CDRT4: variants seen among roughly 807,000 people sequenced by gnomAD.
The protein encoded by CDRT4 is CMT1A duplicated region transcript 4, also known as CMT1A duplicated region transcript 4 protein.
For missense variants in CDRT4, 167 were observed against 193.1 expected (o/e 0.87, Z 0.80); for synonymous variants, 64 against 69.6 (o/e 0.92, Z 0.40).
chr17:15,437,652 G>C lies in CDRT4; in HGVS notation c.*121C>G, dbSNP rs923847412. On this transcript the variant is annotated 3_prime_UTR_variant, in exon 4 of 4. Coordinates refer to ENST00000619038, the MANE Select transcript of CDRT4 (RefSeq NM_001204477.2). ...TTAGCCAAGCTCCGCATGAGCAAGA[G>C]CAAGTTCAGATTTAAAGGACACTGT... The C allele has an allele frequency of 3.8e-6, 4 of 1,055,312 alleles. No individual in the cohort carries two copies. The highest frequency in any genetic ancestry group is 1.4e-6 in the Non-Finnish European group (1 of 732,370). The allele number at this position is 1,055,312 out of a possible 1,614,324, so 65.4% of individuals were successfully genotyped here.
Position 15,437,752 on chromosome 17 carries a change from T to G in CDRT4, c.*21A>C, listed in dbSNP as rs199557231. On this transcript the variant is annotated 3_prime_UTR_variant, in exon 4 of 4. Transcript: ENST00000619038. ...CTGCAGGGACCCCTGGCTAAAACAT[T>G]TGCATGTTTCTCCTTGTTGGTCAGT... 2 of 1,606,436 alleles carry G rather than the reference T, an allele frequency of 1.2e-6. No homozygotes were observed. Among genetic ancestry groups the G allele is most frequent in the African/African-American group, 2.7e-5 (2 of 74,702 alleles).
At chr17:15,440,170 A>C in intron 3 of CDRT4, 38 bp downstream of exon 3, 1 of 1,608,522 alleles carries the variant, frequency 6.2e-7, no homozygotes, top group Non-Finnish European at 8.5e-7. Context: ...AGACGGCCCC[A>C]GTGCAGGAGC....
Position 15,438,072 on chromosome 17 carries a change from A to G in CDRT4, c.160T>C (p.Cys54Arg). The part of the protein sequence containing the change: ...IEKSKTRELE[C>R]MRALEERPWA... ...GGTCTTTCCTCGAGGGCACGCATGCATTCCAGTTCTCTAGTTTTGCTTTTC... is the reference window on the plus strand; with the variant it reads ...GGTCTTTCCTCGAGGGCACGCATGCGTTCCAGTTCTCTAGTTTTGCTTTTC... The change falls in exon 4 of 4, where the codon TGC becomes CGC. Residue 54 changes from cysteine to arginine, a missense_variant. Coordinates refer to ENST00000619038, the MANE Select transcript of CDRT4 (RefSeq NM_001204477.2). 3 of 1,614,130 alleles carry G rather than the reference A, an allele frequency of 1.9e-6. No individual in the cohort carries two copies. The highest frequency in any genetic ancestry group is 2.5e-6 in the Non-Finnish European group (3 of 1,180,018).
rs1978504430 is a variant in CDRT4, at chr17:15,436,716, C to T, written c.*1057G>A. The stretch of plus-strand genomic sequence containing the variant: ...TCAGCAGGGGACACCCTGGTCCCCA[C>T]TGCCACTTTGTTTGCCCTCCAAGGG... On this transcript the variant is annotated 3_prime_UTR_variant, in exon 4 of 4. Transcript: ENST00000619038. 1 of 152,400 alleles carries T rather than the reference C, an allele frequency of 6.6e-6. No individual in the cohort carries two copies. The highest frequency in any genetic ancestry group is 1.9e-4 in the East Asian group (1 of 5,170). 9.4% of individuals were successfully genotyped at this position (152,400 alleles called of 1,614,324 possible). A position where few individuals can be genotyped will look rare whatever the true frequency, so the allele number is the denominator to read the frequency against.
chr17:15,445,804 G>C (rs192012549), intron 2 of CDRT4, among the ~76,000 whole-genome samples: 3 of 152,250 alleles, frequency 2.0e-5, no homozygotes, highest in African/African-American at 7.2e-5. Flanking sequence ...CAATCTGCAA[G>C]GCTTCTTTTG....
At chr17:15,438,456 A>C (rs1978607002) in intron 3 of CDRT4, among the ~76,000 whole-genome samples, 1 of 152,242 alleles carries the variant, frequency 6.6e-6, no homozygotes, top group South Asian at 2.1e-4. Flanking sequence ...AAATATTTGC[A>C]TAACCTCAAA....
chr17:15,441,060 G>A (rs1163579481), intron 2 of CDRT4, among the ~76,000 whole-genome samples: 1 of 152,188 alleles, frequency 6.6e-6, no homozygotes, highest in Admixed American at 6.5e-5. Flanking sequence ...CCAGCTCTAA[G>A]ACACATGCGT....
intron 1 of CDRT4, among the ~76,000 whole-genome samples, chr17:15,461,981 G>A (rs1979769762): frequency 1.3e-5 from 2 of 152,128 alleles, no homozygotes; most frequent in Admixed American, 1.3e-4. Flanking sequence ...CTGGCCGAAG[G>A]TGAGACTGAA....
At chr17:15,448,701 C>CAAACCATTT (rs747681668) in intron 2 of CDRT4, among the ~76,000 whole-genome samples, 5 of 152,176 alleles carry the variant, frequency 3.3e-5, no homozygotes, top group Non-Finnish European at 5.9e-5. Context: ...CTGCCATCCT[C>CAAACCATTT]AAACCATTTT....
Position 15,436,395 on chromosome 17 carries a change from T to A in CDRT4, c.*1378A>T, listed in dbSNP as rs1354334176. The A allele has an allele frequency of 6.6e-6, 1 of 152,200 alleles. No individual in the cohort carries two copies. The highest frequency in any genetic ancestry group is 1.9e-4 in the East Asian group (1 of 5,196). The allele number at this position is 152,200 out of a possible 1,614,324, so 9.4% of individuals were successfully genotyped here. ...GTATTAACTGTCTTGCAAATACACA[T>A]ACAGAAACTCAGGTAAGGTCAGCCT... On this transcript the variant is annotated 3_prime_UTR_variant, in exon 4 of 4. Transcript: ENST00000619038.
intron 2 of CDRT4, among the ~76,000 whole-genome samples, chr17:15,452,017 G>A (rs576866729): frequency 1.3e-5 from 2 of 152,148 alleles, no homozygotes; most frequent in Non-Finnish European, 1.5e-5. Context: ...CCCAGGGATC[G>A]CTGGAAATCC....
intron 3 of CDRT4, 93 bp downstream of exon 3, chr17:15,440,115 A>T: frequency 2.6e-6 from 3 of 1,150,726 alleles, no homozygotes; most frequent in African/African-American, 1.6e-5. Flanking sequence ...AAAAAAAAAG[A>T]GTGGCCGCCC....
At chr17:15,454,062 C>G (rs1018429996) in intron 1 of CDRT4, among the ~76,000 whole-genome samples, 8 of 152,114 alleles carry the variant, frequency 5.3e-5, no homozygotes, top group African/African-American at 1.7e-4. Context: ...AAATTAGTAC[C>G]AAGACACATC....
intron 2 of CDRT4, among the ~76,000 whole-genome samples, chr17:15,443,372 T>C (rs1444413176): frequency 1.3e-5 from 2 of 151,174 alleles, no homozygotes; most frequent in Non-Finnish European, 2.9e-5. Flanking sequence ...CTTGAACTCC[T>C]GGGCTCAAGC....
chr17:15,451,970 G>A (rs1047214296), intron 2 of CDRT4, among the ~76,000 whole-genome samples: 2 of 152,182 alleles, frequency 1.3e-5, no homozygotes, highest in Non-Finnish European at 2.9e-5. Context: ...ATAAATGGAC[G>A]TTACTGCAAT....
rs1358074865 is a variant in CDRT4 at position 15,438,008 on chromosome 17, T to A, written c.224A>T (p.Gln75Leu). ...SRQNKPSSVI[Q>L]PKRRKSSKSS... ...CTTGGAAGACTTCCTCCTTTTCGGCTGAATGACGCTGGAAGGTTTATTCTG... is the reference window on the plus strand; with the variant it reads ...CTTGGAAGACTTCCTCCTTTTCGGCAGAATGACGCTGGAAGGTTTATTCTG... The change falls in exon 4 of 4, where the codon CAG (glutamine) becomes CTG (leucine). Residue 75 changes from glutamine to leucine, a missense_variant. By Grantham distance (113) the Gln-to-Leu change is moderately radical. Coordinates refer to ENST00000619038, the MANE Select transcript of CDRT4 (RefSeq NM_001204477.2). 13 of 1,614,070 alleles carry A rather than the reference T, an allele frequency of 8.1e-6. No homozygotes were observed. Among genetic ancestry groups the A allele is most frequent in the Non-Finnish European group, 8.5e-6 (10 of 1,180,034 alleles).
intron 2 of CDRT4, among the ~76,000 whole-genome samples, chr17:15,447,066 T>C (rs1286982846): frequency 6.6e-6 from 1 of 152,182 alleles, no homozygotes; most frequent in Non-Finnish European, 1.5e-5. Context: ...GATCTACCCT[T>C]CTCAATGTCA....
At chr17:15,466,728 ATTTATT>A (rs900393062) in intron 1 of CDRT4, among the ~76,000 whole-genome samples, 2 of 151,902 alleles carry the variant, frequency 1.3e-5, no homozygotes, top group Admixed American at 6.6e-5. Flanking sequence ...TGCCCAGCTA[ATTTATT>A]TTTATTTTTA....
chr17:15,454,912 C>A (rs575607775), intron 1 of CDRT4, among the ~76,000 whole-genome samples: 18 of 152,140 alleles, frequency 1.2e-4, no homozygotes, highest in Non-Finnish European at 2.5e-4. Flanking sequence ...TAAAAGTATT[C>A]CATGATCCAT....
Sources: allele counts gnomAD v4.1 joint callset (sites outside exome capture counted in the v4.1 genomes callset), GRCh38; gene constraint gnomAD v4.1.1; transcripts MANE v1.5; gene names NCBI Gene and HGNC (gene_info 2026-07-23, HGNC 2026-07-21).